Variants in APOC3 observed in about 807,000 individuals in gnomAD.
The protein encoded by APOC3 is apolipoprotein C-III.
In APOC3, 6 loss-of-function variants were observed where a neutral mutation model predicts 7.3. The ratio of observed to expected loss-of-function variants is 0.82; its 90% CI spans 0.45 to 1.61. The LOEUF is 1.61. Among genes scored for constraint, APOC3 ranks in the 40% most tolerant of loss-of-function variants. APOC3 has a pLI of 0.01. For missense variants in APOC3, 123 were observed against 124.9 expected (o/e 0.98, Z 0.07); for synonymous variants, 45 against 51.2 (o/e 0.88, Z 0.52).
Position 116,831,189 on chromosome 11 carries a change from ATTTCTT to A in APOC3, c.179+295_179+300del, listed in dbSNP as rs1941445583. 6.7e-5 allele frequency: 10 copies of A among 148,404 alleles called. 1 individual carries two copies. Among genetic ancestry groups the A allele is most frequent in the Non-Finnish European group, 1.0e-4 (8 of 78,198 alleles). 9.2% of individuals were successfully genotyped at this position (148,404 alleles called of 1,614,324 possible). A position where few individuals can be genotyped will look rare whatever the true frequency, so the allele number is the denominator to read the frequency against. On this transcript the variant is annotated intron_variant, in intron 3 of 3. Coordinates refer to ENST00000227667, the MANE Select transcript of APOC3 (RefSeq NM_000040.3). Reference sequence around the variant, plus strand: ...TTCCTTTCCCTTTCTTTCTCTTTCTATTTCTTTCTTTCTTTCTTTCTTTCTTTCTTT... The same window carrying A: ...TTCCTTTCCCTTTCTTTCTCTTTCTATCTTTCTTTCTTTCTTTCTTTCTTT...
chr11:116,830,854 C>T lies in APOC3; in HGVS notation c.137C>T (p.Ala46Val). The T allele has an allele frequency of 6.2e-7, 1 of 1,613,190 alleles. No homozygotes were observed. Among genetic ancestry groups the T allele is most frequent in the Non-Finnish European group, 8.5e-7 (1 of 1,179,978 alleles). The change falls in exon 3 of 4, where the codon GCA becomes GTA. Residue 46 changes from alanine to valine, a missense_variant. Physicochemically the swap from Ala to Val is moderately conservative, Grantham distance 64. Transcript: ENST00000227667. ...CACGCCACCAAGACCGCCAAGGATGCACTGAGCAGCGTGCAGGAGTCCCAG... is the reference window on the plus strand; with the variant it reads ...CACGCCACCAAGACCGCCAAGGATGTACTGAGCAGCGTGCAGGAGTCCCAG... Reference protein sequence around the residue: ...MKHATKTAKDALSSVQESQVA... With the variant: ...MKHATKTAKDVLSSVQESQVA...
Position 116,830,836 on chromosome 11 carries a change from C to T in APOC3, c.119C>T (p.Thr40Ile). Residue 40 changes from threonine to isoleucine, a missense_variant, in exon 3 of 4, where the codon ACC becomes ATC. By Grantham distance (89) the Thr-to-Ile change is moderately conservative. Coordinates refer to ENST00000227667, the MANE Select transcript of APOC3 (RefSeq NM_000040.3). ...SFMQGYMKHA[T>I]KTAKDALSSV... ...ATGCAGGGTTACATGAAGCACGCCA[C>T]CAAGACCGCCAAGGATGCACTGAGC... is the stretch of plus-strand genomic sequence containing the variant. 1 of 1,613,226 alleles carries T rather than the reference C, an allele frequency of 6.2e-7. No homozygotes were observed. Among genetic ancestry groups the T allele is most frequent in the South Asian group, 1.1e-5 (1 of 91,074 alleles).
intron 3 of APOC3, among the ~76,000 whole-genome samples, chr11:116,831,352 C>G (rs1941458306): frequency 7.1e-6 from 1 of 141,252 alleles, no homozygotes; most frequent in Non-Finnish European, 1.5e-5. Context: ...CCCTCTCTTC[C>G]TTTCTCTCTT....
chr11:116,832,811 C>G lies in APOC3; in HGVS notation c.227C>G (p.Thr76Ser). The change falls in exon 4 of 4, where the codon ACC (threonine) becomes AGC (serine). Residue 76 changes from threonine (T) to serine (S), a missense_variant. Coordinates refer to ENST00000227667, the MANE Select transcript of APOC3 (RefSeq NM_000040.3). ...AGTTCCCTGAAAGACTACTGGAGCA[C>G]CGTTAAGGACAAGTTCTCTGAGTTC... ...GFSSLKDYWS[T>S]VKDKFSEFWD... 6.2e-7 allele frequency: 1 copy of G among 1,614,076 alleles called. No homozygotes were observed.
Position 116,833,018 on chromosome 11 carries a change from G to GC in APOC3, c.*140dup, listed in dbSNP as rs995893452. 72 of 1,306,062 alleles carry GC rather than the reference G, an allele frequency of 5.5e-5. No individual in the cohort carries two copies. In the African/African-American group the frequency reaches 9.9e-4, roughly 18 times the overall value. 80.9% of individuals were successfully genotyped at this position (1,306,062 alleles called of 1,614,324 possible). ...GCTCTCCTACCCCACCTCATGCCTG[G>GC]CCCCCCTCCAGGCATGCTGGCCTCC... On this transcript the variant is annotated 3_prime_UTR_variant, in exon 4 of 4. Coordinates refer to ENST00000227667, the MANE Select transcript of APOC3 (RefSeq NM_000040.3).
chr11:116,832,830 T>A lies in APOC3; in HGVS notation c.246T>A (p.Ser82=). ...DYWSTVKDKF[S]EFWDLDPEVR... ...GGAGCACCGTTAAGGACAAGTTCTC[T>A]GAGTTCTGGGATTTGGACCCTGAGG... Residue 82 remains serine, a synonymous_variant, in exon 4 of 4, where the codon TCT becomes TCA. Transcript: ENST00000227667. 4 of 1,614,160 alleles carry A rather than the reference T, an allele frequency of 2.5e-6. No homozygotes were observed. The highest frequency in any genetic ancestry group is 3.4e-6 in the Non-Finnish European group (4 of 1,180,036).
chr11:116,832,563 G>A (rs547595758), intron 3 of APOC3, among the ~76,000 whole-genome samples: 3 of 152,348 alleles, frequency 2.0e-5, no homozygotes, highest in South Asian at 2.1e-4. Flanking sequence ...TTGTGCTGGG[G>A]TTCCTGCAAG....
chr11:116,831,244 T>TC (rs772883352), intron 3 of APOC3: 4,776 of 118,398 alleles, frequency 0.04, 90 homozygotes, highest in Non-Finnish European at 0.051. Context: ...TTTCTTTCTT[T>TC]CTTTCTTTCT....
At chr11:116,831,025 C>A in intron 3 of APOC3, 129 bp downstream of exon 3, 2 of 1,101,352 alleles carry the variant, frequency 1.8e-6, no homozygotes, top group South Asian at 2.9e-5. Context: ...GCCTCTTCAG[C>A]CTCCTCTTTC....
intron 3 of APOC3, 120 bp downstream of exon 3, chr11:116,831,016 C>A: frequency 8.3e-7 from 1 of 1,198,880 alleles, no homozygotes; most frequent in Non-Finnish European, 1.2e-6. Context: ...TGGGCCTGTG[C>A]CTCTTCAGCC....
rs1450434533 is a variant in APOC3, at chr11:116,830,756, C to T, written c.56-17C>T. The T allele has an allele frequency of 6.2e-7, 1 of 1,613,340 alleles. No homozygotes were observed. ...CCAGAGGCCGATCCACCCCACTCAG[C>T]CCTGCTCTTTCCTCAGGAGCTTCAG... On this transcript the variant is annotated splice_polypyrimidine_tract_variant and intron_variant, in intron 2 of 3. Transcript: ENST00000227667.
At chr11:116,831,743 C>T (rs559134486) in intron 3 of APOC3, among the ~76,000 whole-genome samples, 2 of 152,178 alleles carry the variant, frequency 1.3e-5, no homozygotes, top group African/African-American at 2.4e-5. Context: ...TTGTGGTGGA[C>T]AATTTTTCCA....
At chr11:116,831,222 TTTC>T (rs1453159714) in intron 3 of APOC3, 4 of 191,690 alleles carry the variant, frequency 2.1e-5, no homozygotes, top group Non-Finnish European at 3.7e-5. Context: ...TCTTTCTTTC[TTTC>T]TTTCTTTCTT....
chr11:116,831,193 CT>C (rs1565336374), intron 3 of APOC3: 1 of 29,224 alleles, frequency 3.4e-5, no homozygotes, highest in South Asian at 2.0e-3. Context: ...CTTTCTATTT[CT>C]TTCTTTCTTT....
chr11:116,830,737 G>T, intron 2 of APOC3, 36 bp from the exon 3 acceptor site: 1 of 1,613,304 alleles, frequency 6.2e-7, no homozygotes, highest in South Asian at 1.1e-5. Flanking sequence ...TCGTCCAGAG[G>T]CCGATCCACC....
At chr11:116,830,926 C>T in intron 3 of APOC3, 30 bp downstream of exon 3, 3 of 1,608,972 alleles carry the variant, frequency 1.9e-6, no homozygotes, top group South Asian at 1.1e-5. Context: ...TCCCCATCCC[C>T]CCTGCCAGCT....
chr11:116,832,687 G>T lies in APOC3; in HGVS notation c.180-77G>T, dbSNP rs111429645. 104 of 1,601,792 alleles carry T rather than the reference G, an allele frequency of 6.5e-5. 1 individual carries two copies. In the African/African-American group the frequency reaches 9.1e-4, roughly 14 times the overall value. ...GTCCTGACTGGTGTCGTCCAGTGGG[G>T]ACATGGGTGTGGGTCCCATGGTTGC... On this transcript the variant is annotated intron_variant, in intron 3 of 3. Coordinates refer to ENST00000227667, the MANE Select transcript of APOC3 (RefSeq NM_000040.3).
intron 3 of APOC3, among the ~76,000 whole-genome samples, chr11:116,831,409 G>C (rs1941459412): frequency 1.4e-5 from 2 of 145,940 alleles, no homozygotes; most frequent in African/African-American, 5.1e-5. Flanking sequence ...CTGTCACCTA[G>C]GCTGGAGTGC....
chr11:116,831,762 C>T (rs554870449), intron 3 of APOC3, among the ~76,000 whole-genome samples: 4 of 152,266 alleles, frequency 2.6e-5, no homozygotes, highest in East Asian at 1.9e-4. Flanking sequence ...CATGGGCCAG[C>T]GGGGATGGTT....
Sources: allele counts gnomAD v4.1 joint callset (sites outside exome capture counted in the v4.1 genomes callset), GRCh38; gene constraint gnomAD v4.1.1; transcripts MANE v1.5; gene names NCBI Gene and HGNC (gene_info 2026-07-23, HGNC 2026-07-21).